The following NRXN3 variants were observed in gnomAD, a reference collection of about 807,000 sequenced individuals.
NRXN3 encodes the protein neurexin III.
A neutral mutation model predicts 137.6 loss-of-function variants in NRXN3; 32 were observed. That is an observed-to-expected ratio of 0.23 (90% CI 0.18 to 0.31). NRXN3 has a LOEUF of 0.31. Ranked by LOEUF, NRXN3 falls within the 10% of genes least tolerant of loss-of-function variation. The probability of loss-of-function intolerance (pLI) is 1.00; values close to 1 mark genes in which losing one functional copy is unlikely to be tolerated. For missense variants in NRXN3, 1,574 were observed against 2,062.5 expected (o/e 0.76, Z 4.59); for synonymous variants, 798 against 784.5 (o/e 1.02, Z -0.29).
intron 19 of NRXN3, among the ~76,000 whole-genome samples, chr14:79,753,732 TAATAAA>T (rs1354442650): frequency 6.6e-6 from 1 of 151,534 alleles, no homozygotes. Context: ...ATAATAATAA[TAATAAA>T]AAGAAATTTC....
At chr14:78,232,445 G>C (rs973189819) in intron 1 of NRXN3, among the ~76,000 whole-genome samples, 1 of 146,380 alleles carries the variant, frequency 6.8e-6, no homozygotes, top group Non-Finnish European at 1.5e-5. Flanking sequence ...ACATGTGTTT[G>C]ATTTTTTTCC....
At chr14:79,857,934 G>A (rs1386485468) in intron 20 of NRXN3, among the ~76,000 whole-genome samples, 2 of 151,994 alleles carry the variant, frequency 1.3e-5, no homozygotes, top group Non-Finnish European at 2.9e-5. Context: ...CGCTGCTACC[G>A]AGATTAATAA....
At position 78,778,727 on chromosome 14, in the gene NRXN3, T is replaced by TTTCTTTC. The variant is rs2098754770; in HGVS notation, c.2045-24889_2045-24888insTTCTTCT. The stretch of plus-strand genomic sequence containing the variant: ...CTTTCTTTCTTTCTTTCTTTCTTTC[T>TTTCTTTC]TTCTCTCTCTCTTTCTTTCTTTCCT... On this transcript the variant is annotated intron_variant, in intron 8 of 20. Transcript: ENST00000335750. Among the ~76,000 whole-genome samples, 7 of 147,612 alleles carry TTTCTTTC rather than the reference T, an allele frequency of 4.7e-5. No individual in the cohort carries two copies. In the South Asian group the frequency reaches 1.5e-3, roughly 32 times the overall value.
intron 16 of NRXN3, among the ~76,000 whole-genome samples, chr14:79,611,021 G>T (rs1236364932): frequency 6.6e-6 from 1 of 152,140 alleles, no homozygotes. Context: ...CTAGTTTGTT[G>T]GATTGCTGCT....
intron 16 of NRXN3, among the ~76,000 whole-genome samples, chr14:79,562,585 T>C (rs958777112): frequency 6.6e-6 from 1 of 152,188 alleles, no homozygotes; most frequent in East Asian, 1.9e-4. Context: ...GTTTTACACC[T>C]ACATCCCTAT....
chr14:78,686,618 G>A (rs1286651407), intron 6 of NRXN3, among the ~76,000 whole-genome samples: 1 of 152,198 alleles, frequency 6.6e-6, no homozygotes, highest in East Asian at 1.9e-4. Flanking sequence ...GTGTCTGCAT[G>A]TGTGTGCATG....
At chr14:79,071,995 G>A (rs2099688461) in intron 15 of NRXN3, 1 of 150,780 alleles carries the variant, frequency 6.6e-6, no homozygotes, top group African/African-American at 2.4e-5. Flanking sequence ...TGAATAGATA[G>A]GCAGATAGAT....
At chr14:79,810,356 A>G (rs1354106604) in intron 20 of NRXN3, among the ~76,000 whole-genome samples, 1 of 152,180 alleles carries the variant, frequency 6.6e-6, no homozygotes, top group Non-Finnish European at 1.5e-5. Context: ...TCAAATCTCA[A>G]GGGACAGCAC....
At chr14:78,482,460 C>T (rs1306141928) in intron 4 of NRXN3, among the ~76,000 whole-genome samples, 1 of 152,116 alleles carries the variant, frequency 6.6e-6, no homozygotes, top group African/African-American at 2.4e-5. Context: ...AATGAAATAG[C>T]TGGGGCTAGA....
chr14:79,743,764 C>T (rs1185088457), intron 19 of NRXN3, among the ~76,000 whole-genome samples: 1 of 152,064 alleles, frequency 6.6e-6, no homozygotes, highest in Non-Finnish European at 1.5e-5. Flanking sequence ...TACAAGTGTA[C>T]AGGAGTCAAG....
chr14:79,506,395 T>C (rs947007462), intron 16 of NRXN3, among the ~76,000 whole-genome samples: 47 of 152,166 alleles, frequency 3.1e-4, no homozygotes, highest in African/African-American at 1.1e-3. Context: ...AAGAGCTGGT[T>C]ATTATGCTAG....
intron 15 of NRXN3, among the ~76,000 whole-genome samples, chr14:79,341,161 C>A (rs2092590605): frequency 6.6e-6 from 1 of 152,118 alleles, no homozygotes; most frequent in South Asian, 2.1e-4. Flanking sequence ...AAATAGGCCT[C>A]TTAGGACCAG....
At chr14:78,710,366 A>AAGTGGG (rs1435165827) in intron 7 of NRXN3, among the ~76,000 whole-genome samples, 1 of 113,218 alleles carries the variant, frequency 8.8e-6, no homozygotes, top group African/African-American at 3.4e-5. Context: ...AATAGTAACA[A>AAGTGGG]AGTGGGGGTG....
chr14:78,183,679 A>C (rs911983535), intron 1 of NRXN3, among the ~76,000 whole-genome samples: 37 of 152,248 alleles, frequency 2.4e-4, no homozygotes, highest in African/African-American at 7.7e-4. Flanking sequence ...TCTGACTGAA[A>C]TCTCTTCTGG....
At chr14:79,699,492 G>A (rs2098746956) in intron 19 of NRXN3, among the ~76,000 whole-genome samples, 1 of 151,976 alleles carries the variant, frequency 6.6e-6, no homozygotes, top group African/African-American at 2.4e-5. Context: ...CACTGACCTT[G>A]AGATGATTTA....
At chr14:79,462,794 C>T (rs1253521200) in intron 15 of NRXN3, among the ~76,000 whole-genome samples, 1 of 139,740 alleles carries the variant, frequency 7.2e-6, no homozygotes, top group Admixed American at 7.0e-5. Context: ...TTTTCACACA[C>T]ATGCATGCAC....
chr14:79,769,691 G>A (rs1040646995), intron 19 of NRXN3, among the ~76,000 whole-genome samples: 8 of 151,850 alleles, frequency 5.3e-5, no homozygotes, highest in South Asian at 2.1e-4. Flanking sequence ...AAAGACCATC[G>A]AGACTAGGAA....
intron 16 of NRXN3, among the ~76,000 whole-genome samples, chr14:79,637,313 T>C (rs2098409143): frequency 6.6e-6 from 1 of 152,194 alleles, no homozygotes; most frequent in Non-Finnish European, 1.5e-5. Context: ...GTTATTGTTA[T>C]TATTCTTATT....
intron 4 of NRXN3, among the ~76,000 whole-genome samples, chr14:78,434,922 C>T (rs1321331612): frequency 1.3e-5 from 2 of 152,142 alleles, no homozygotes; most frequent in African/African-American, 4.8e-5. Context: ...ATCCAAGAGA[C>T]CTGAGCTTGC....
Sources: allele counts gnomAD v4.1 joint callset (sites outside exome capture counted in the v4.1 genomes callset), GRCh38; gene constraint gnomAD v4.1.1; transcripts MANE v1.5; gene names NCBI Gene and HGNC (gene_info 2026-07-23, HGNC 2026-07-21).